The following SH3GL3 variants were observed in gnomAD, a reference collection of about 807,000 sequenced individuals.
The protein encoded by SH3GL3 is endophilin-A3.
Under a neutral mutation model 47.7 loss-of-function variants are expected in SH3GL3, and 33 were observed. The observed-to-expected ratio is 0.69, with a 90% CI of 0.52 to 0.92. The LOEUF (loss-of-function observed/expected upper bound fraction) is 0.92. SH3GL3 is among the 40% of genes least tolerant of loss of function. The pLI is 0.00. For missense variants in SH3GL3, 363 were observed against 417.8 expected, an observed-to-expected ratio of 0.87 and a Z score of 1.14; for synonymous variants, 155 against 148.8, an observed-to-expected ratio of 1.04 and a Z score of -0.30.
At chr15:83,614,886 T>G (rs1390280012) in intron 8 of SH3GL3, among the ~76,000 whole-genome samples, 1 of 152,012 alleles carries the variant, frequency 6.6e-6, no homozygotes, top group African/African-American at 2.4e-5. Flanking sequence ...TCTCTACCCC[T>G]CCCCAGGACA....
intron 1 of SH3GL3, among the ~76,000 whole-genome samples, chr15:83,547,705 G>C (rs1425606555): frequency 6.6e-6 from 1 of 150,656 alleles, no homozygotes; most frequent in African/African-American, 2.4e-5. Flanking sequence ...GTATCTTTTT[G>C]CACCTGTTTA....
intron 1 of SH3GL3, among the ~76,000 whole-genome samples, chr15:83,553,253 T>A (rs972278064): frequency 2.0e-5 from 3 of 152,228 alleles, no homozygotes; most frequent in African/African-American, 7.2e-5. Flanking sequence ...TGTCTGATAT[T>A]ACTGCTGCAG....
intron 1 of SH3GL3, among the ~76,000 whole-genome samples, chr15:83,486,358 C>T (rs1373983017): frequency 6.6e-6 from 1 of 152,028 alleles, no homozygotes; most frequent in East Asian, 1.9e-4. Flanking sequence ...TTTTCATCAC[C>T]CCAAAGTAAA....
rs10661412 is a variant in SH3GL3 at position 83,616,251 on chromosome 15, C to CTTTTTTTT, written c.839-1819_839-1812dup. On this transcript the variant is annotated intron_variant, in intron 8 of 8. Transcript: ENST00000427482. ...AAAGTAATGGTAAAAATTGTGATTG[C>CTTTTTTTT]TTTTTTTTTTTTTTTTTTTGAGATG... Among the ~76,000 whole-genome samples the CTTTTTTTT allele has an allele frequency of 2.6e-5, 3 of 114,168 alleles. 1 individual carries two copies. Among genetic ancestry groups the CTTTTTTTT allele is most frequent in the Non-Finnish European group, 1.7e-5 (1 of 59,160 alleles). The allele number at this position is 114,168 out of a possible 152,430, so 74.9% of individuals were successfully genotyped here.
intron 1 of SH3GL3, among the ~76,000 whole-genome samples, chr15:83,487,682 T>C (rs1030994386): frequency 6.6e-6 from 1 of 152,140 alleles, no homozygotes; most frequent in Non-Finnish European, 1.5e-5. Flanking sequence ...CACTGGCCAT[T>C]TGCAGTGTAC....
intron 1 of SH3GL3, among the ~76,000 whole-genome samples, chr15:83,492,734 G>A (rs530440044): frequency 3.9e-5 from 6 of 152,366 alleles, no homozygotes; most frequent in Non-Finnish European, 7.3e-5. Context: ...ATCCCCCAGG[G>A]TTGGGAAAAC....
At chr15:83,583,249 G>A (rs766087695) in intron 6 of SH3GL3, among the ~76,000 whole-genome samples, 3 of 152,112 alleles carry the variant, frequency 2.0e-5, no homozygotes, top group African/African-American at 4.8e-5. Flanking sequence ...CTCTGTCCTC[G>A]CCATGGGCTT....
chr15:83,540,572 A>G (rs1413317975), intron 1 of SH3GL3, among the ~76,000 whole-genome samples: 2 of 152,138 alleles, frequency 1.3e-5, no homozygotes, highest in African/African-American at 4.8e-5. Context: ...TTTGTAGGAT[A>G]TTAGTATAGA....
At chr15:83,515,124 A>C (rs980294963) in intron 1 of SH3GL3, among the ~76,000 whole-genome samples, 1 of 152,124 alleles carries the variant, frequency 6.6e-6, no homozygotes, top group African/African-American at 2.4e-5. Context: ...AGCTGTGAGA[A>C]AATAAGTCTG....
At chr15:83,493,769 C>T (rs764794437) in intron 1 of SH3GL3, among the ~76,000 whole-genome samples, 17 of 140,034 alleles carry the variant, frequency 1.2e-4, no homozygotes, top group Non-Finnish European at 2.5e-4. Flanking sequence ...AACTGCTGGG[C>T]GGGAGGGAGG....
rs967878853 is a variant in SH3GL3 at position 83,545,278 on chromosome 15, T to A, written c.46-13975T>A. Among the ~76,000 whole-genome samples the A allele has an allele frequency of 3.3e-5, 5 of 152,314 alleles. 1 individual carries two copies. The highest frequency in any genetic ancestry group is 6.5e-5 in the Admixed American group (1 of 15,304). ...TAGGCTTGCTAATTCATTCCTCTGC[T>A]TGATCAGTTCTTCTGTTTAGAGACT... On this transcript the variant is annotated intron_variant, in intron 1 of 8. Coordinates refer to ENST00000427482, the MANE Select transcript of SH3GL3 (RefSeq NM_003027.5).
At chr15:83,480,913 AG>A (rs2041319624) in intron 1 of SH3GL3, among the ~76,000 whole-genome samples, 1 of 152,052 alleles carries the variant, frequency 6.6e-6, no homozygotes, top group Non-Finnish European at 1.5e-5. Context: ...ATGGATACCG[AG>A]GGGTAGCTGT....
chr15:83,600,747 G>T (rs1490765458), intron 8 of SH3GL3, among the ~76,000 whole-genome samples: 3 of 152,118 alleles, frequency 2.0e-5, no homozygotes, highest in Non-Finnish European at 4.4e-5. Context: ...GTATTTTGAT[G>T]ATGGGAATTG....
chr15:83,474,246 T>C (rs555777227), intron 1 of SH3GL3, among the ~76,000 whole-genome samples: 2 of 152,246 alleles, frequency 1.3e-5, no homozygotes, highest in African/African-American at 4.8e-5. Context: ...AGTAGTTGTG[T>C]AGTAATTATA....
chr15:83,593,747 T>C (rs2060165694), intron 8 of SH3GL3, among the ~76,000 whole-genome samples: 2 of 152,190 alleles, frequency 1.3e-5, no homozygotes, highest in South Asian at 4.1e-4. Flanking sequence ...CCTTGCTTTG[T>C]CTCTGATTTT....
chr15:83,447,706 G>T lies in SH3GL3; in HGVS notation c.45+128G>T. The stretch of plus-strand genomic sequence containing the variant: ...CGGGGCTCAATTTCTTCCCGCCTAG[G>T]AGGGCGCGAGGGTGGGGTGAGGGGC... On this transcript the variant is annotated intron_variant, in intron 1 of 8. Transcript: ENST00000427482. This position sits in a 1 kb window ranked among gnomAD's most constrained non-coding sequence, Gnocchi z 5.1. 1.7e-6 allele frequency: 1 copy of T among 604,630 alleles called. No homozygotes were observed. The highest frequency in any genetic ancestry group is 2.6e-6 in the Non-Finnish European group (1 of 379,714). 37.5% of individuals were successfully genotyped at this position (604,630 alleles called of 1,614,324 possible).
chr15:83,573,541 G>A (rs79064009), intron 5 of SH3GL3, among the ~76,000 whole-genome samples: 4,370 of 152,272 alleles, frequency 0.029, 231 homozygotes, highest in African/African-American at 0.099. Context: ...TCTGATGCAC[G>A]CTAATGTTCA....
intron 1 of SH3GL3, among the ~76,000 whole-genome samples, chr15:83,483,111 T>A (rs1388579254): frequency 6.6e-6 from 1 of 152,234 alleles, no homozygotes; most frequent in Non-Finnish European, 1.5e-5. Context: ...TTTCTTCATA[T>A]GTTGGATTAT....
intron 1 of SH3GL3, among the ~76,000 whole-genome samples, chr15:83,517,846 C>T (rs2043050104): frequency 6.6e-6 from 1 of 152,012 alleles, no homozygotes; most frequent in Non-Finnish European, 1.5e-5. Flanking sequence ...AATCATGTCA[C>T]CCAGGTACTG....
Sources: allele counts gnomAD v4.1 joint callset (sites outside exome capture counted in the v4.1 genomes callset), GRCh38; gene constraint gnomAD v4.1.1; non-coding constraint Gnocchi (gnomAD v3.1); transcripts MANE v1.5; gene names NCBI Gene and HGNC (gene_info 2026-07-23, HGNC 2026-07-21).